Variants in FAM120B observed in about 807,000 individuals in gnomAD.
FAM120B encodes the protein family with sequence similarity 120 member B, also known as constitutive coactivator of peroxisome proliferator-activated receptor gamma.
In FAM120B, 83 loss-of-function variants were observed where a neutral mutation model predicts 96.3. The ratio of observed to expected loss-of-function variants is 0.86; its 90% confidence interval spans 0.72 to 1.03. The LOEUF is 1.03. Ranked by LOEUF, FAM120B falls within the 50% of genes least tolerant of loss-of-function variation. The probability of loss-of-function intolerance (pLI) is 0.00; values close to 1 mark genes in which losing one functional copy is unlikely to be tolerated. For missense variants in FAM120B, 1,027 were observed against 1,121.2 expected, an observed-to-expected ratio of 0.92 and a Z score of 1.20; for synonymous variants, 407 against 402.7, an observed-to-expected ratio of 1.01 and a Z score of -0.13.
At chr6:170,394,308 G>C (rs931029727) in intron 8 of FAM120B, among the ~76,000 whole-genome samples, 3 of 152,224 alleles carry the variant, frequency 2.0e-5, no homozygotes, top group African/African-American at 7.2e-5. Flanking sequence ...ACCTCATACT[G>C]GGGAGGTTTT....
intron 2 of FAM120B, 35 bp downstream of exon 2, chr6:170,319,159 G>T: frequency 6.6e-7 from 1 of 1,507,026 alleles, no homozygotes; most frequent in South Asian, 1.3e-5. Context: ...TGCCATGATT[G>T]AAAATATATC....
At position 170,318,510 on chromosome 6, in the gene FAM120B, A is replaced by G; in HGVS notation, c.1120A>G (p.Arg374Gly). 6.3e-7 allele frequency: 1 copy of G among 1,582,766 alleles called. No homozygotes were observed. Among genetic ancestry groups the G allele is most frequent in the South Asian group, 1.1e-5 (1 of 88,560 alleles). ...EVPVYTDSEP[R>G]QEVPMCSDPE... Reference sequence around the variant, plus strand: ...TCCCGTGTATACAGATTCTGAACCCAGGCAAGAAGTTCCCATGTGTTCAGA... The same window carrying G: ...TCCCGTGTATACAGATTCTGAACCCGGGCAAGAAGTTCCCATGTGTTCAGA... Residue 374 changes from arginine to glycine, a missense_variant, in exon 2 of 11, where the codon AGG (arginine) becomes GGG (glycine). Physicochemically the swap from Arg to Gly is moderately radical, Grantham distance 125. Transcript: ENST00000476287.
chr6:170,396,006 C>T (rs969553399), intron 9 of FAM120B, among the ~76,000 whole-genome samples: 1 of 152,146 alleles, frequency 6.6e-6, no homozygotes, highest in African/African-American at 2.4e-5. Flanking sequence ...ATAGCCCCAA[C>T]CCTTTGTTTT....
In FAM120B at chr6:170,295,498, GCCGCGCTT is replaced by G; in HGVS notation, c.48+48_48+55del. On this transcript the variant is annotated intron_variant, in intron 1 of 10. Coordinates refer to the FAM120B transcript ENST00000537664. The surrounding 1 kb of genome is among the most constrained non-coding windows in gnomAD (Gnocchi z 7.8). ...ACACAAGGCGCGCGGCCCCCAGGCA[GCCGCGCTT>G]CCACAGCGGGCAGGAGCGCGACCCC... The G allele has an allele frequency of 1.4e-6, 1 of 692,818 alleles. No homozygotes were observed. Among genetic ancestry groups the G allele is most frequent in the Admixed American group, 2.0e-5 (1 of 49,182 alleles). The allele number at this position is 692,818 out of a possible 1,614,324, so 42.9% of individuals were successfully genotyped here. A position where few individuals can be genotyped will look rare whatever the true frequency, so the allele number is the denominator to read the frequency against.
In FAM120B at chr6:170,330,558, C is replaced by T. The variant is rs772610105; in HGVS notation, c.2017+8C>T. 3.8e-5 allele frequency: 61 copies of T among 1,605,852 alleles called. No individual in the cohort carries two copies. Among genetic ancestry groups the T allele is most frequent in the Non-Finnish European group, 5.1e-5 (60 of 1,172,698 alleles). On this transcript the variant is annotated splice_region_variant and intron_variant, in intron 4 of 10. Transcript: ENST00000476287. ...TGCAGATGACCATTCCAGGTACAGGCAGCCTTTCTTTAAATGAACCACAGA... is the reference window on the plus strand; with the variant it reads ...TGCAGATGACCATTCCAGGTACAGGTAGCCTTTCTTTAAATGAACCACAGA...
intron 8 of FAM120B, among the ~76,000 whole-genome samples, chr6:170,394,064 G>A (rs561584645): frequency 2.0e-5 from 3 of 152,170 alleles, no homozygotes; most frequent in East Asian, 3.8e-4. Context: ...GAGCACACAC[G>A]GGCTGACCCT....
At position 170,399,947 on chromosome 6, in the gene FAM120B, G is replaced by A. The variant is rs375737198; in HGVS notation, c.2692+4368G>A. Among the ~76,000 whole-genome samples the A allele has an allele frequency of 3.0e-3, 136 of 45,030 alleles. 3 individuals are homozygous for A. The highest frequency in any genetic ancestry group is 2.8e-3 in the Admixed American group (9 of 3,166). The allele number at this position is 45,030 out of a possible 152,430, so 29.5% of individuals were successfully genotyped here. A position where few individuals can be genotyped will look rare whatever the true frequency, so the allele number is the denominator to read the frequency against. ...ATGTCATAACTCTTAGGAGTGAGTG[G>A]GGAAGGTAGAACTATGTCATAACTC... On this transcript the variant is annotated intron_variant, in intron 9 of 10. Coordinates refer to ENST00000476287, the MANE Select transcript of FAM120B (RefSeq NM_032448.3).
chr6:170,319,503 A>G (rs1225588358), intron 2 of FAM120B, among the ~76,000 whole-genome samples: 1 of 152,176 alleles, frequency 6.6e-6, no homozygotes, highest in Non-Finnish European at 1.5e-5. Flanking sequence ...CCCTGTCTCT[A>G]CTAAAAATAC....
intron 9 of FAM120B, chr6:170,404,292 T>C (rs1778721644): frequency 2.3e-6 from 1 of 429,400 alleles, no homozygotes; most frequent in Non-Finnish European, 4.1e-6. Flanking sequence ...ATCACGCAGA[T>C]GGATGGAGCT....
In FAM120B at chr6:170,330,523, G is replaced by A. The variant is rs140403171; in HGVS notation, c.1990G>A (p.Val664Ile). Reference sequence around the variant, plus strand: ...GAACCCACTGAGGCACCCGGACCTCGTCAGGCCGCTGCAGATGACCATTCC... The same window carrying A: ...GAACCCACTGAGGCACCCGGACCTCATCAGGCCGCTGCAGATGACCATTCC... ...PGNPLRHPDL[V>I]RPLQMTIPGG... The change falls in exon 4 of 11, where the codon GTC becomes ATC. Residue 664 changes from valine (V) to isoleucine (I), a missense_variant. Val to Ile is a conservative substitution (Grantham distance 29, BLOSUM62 3). This residue lies in a region of FAM120B where 880 missense variants were observed against 980.9 expected (regional missense o/e 0.90). Coordinates refer to ENST00000476287, the MANE Select transcript of FAM120B (RefSeq NM_032448.3). 1.4e-5 allele frequency: 23 copies of A among 1,613,998 alleles called. No individual in the cohort carries two copies. The highest frequency in any genetic ancestry group is 6.7e-5 in the East Asian group (3 of 44,896).
intron 1 of FAM120B, among the ~76,000 whole-genome samples, chr6:170,301,164 TC>T (rs1186854005): frequency 1.3e-5 from 2 of 152,220 alleles, no homozygotes; most frequent in Non-Finnish European, 2.9e-5. Flanking sequence ...TTTCCATACA[TC>T]CTCTGAAATC....
At chr6:170,320,569 T>C (rs1189718639) in intron 2 of FAM120B, among the ~76,000 whole-genome samples, 1 of 152,110 alleles carries the variant, frequency 6.6e-6, no homozygotes, top group Admixed American at 6.5e-5. Context: ...CGATGGTAGA[T>C]GGTGTTAATC....
At chr6:170,398,736 G>C (rs1333663424) in intron 9 of FAM120B, among the ~76,000 whole-genome samples, 1 of 148,548 alleles carries the variant, frequency 6.7e-6, no homozygotes, top group African/African-American at 2.5e-5. Flanking sequence ...ATAACTCTTA[G>C]GAGTGAGTGA....
intron 4 of FAM120B, among the ~76,000 whole-genome samples, chr6:170,341,970 C>T (rs576721790): frequency 1.6e-4 from 24 of 152,280 alleles, no homozygotes; most frequent in African/African-American, 5.8e-4. Context: ...GGATTGATTA[C>T]GATCATAGCC....
At chr6:170,337,937 T>C (rs1282452537) in intron 4 of FAM120B, among the ~76,000 whole-genome samples, 2 of 152,186 alleles carry the variant, frequency 1.3e-5, no homozygotes, top group African/African-American at 4.8e-5. Context: ...TTAGTCTGAC[T>C]AGCAGTCTAT....
intron 1 of FAM120B, among the ~76,000 whole-genome samples, chr6:170,300,495 C>T (rs1260897260): frequency 2.0e-5 from 3 of 152,314 alleles, no homozygotes; most frequent in African/African-American, 7.2e-5. Flanking sequence ...TCCCAAATCT[C>T]ATGTCCTCAC....
At chr6:170,373,330 A>G (rs1027204833) in intron 6 of FAM120B, among the ~76,000 whole-genome samples, 2 of 152,210 alleles carry the variant, frequency 1.3e-5, no homozygotes, top group Non-Finnish European at 2.9e-5. Flanking sequence ...CATACCTTTC[A>G]ATCATATTGA....
chr6:170,339,956 A>AATT (rs767333148), intron 4 of FAM120B, among the ~76,000 whole-genome samples: 21 of 151,936 alleles, frequency 1.4e-4, no homozygotes, highest in Non-Finnish European at 2.6e-4. Context: ...AGAATCTGAC[A>AATT]ATTAGGTGTC....
intron 6 of FAM120B, among the ~76,000 whole-genome samples, chr6:170,385,032 A>G (rs1285042749): frequency 5.9e-5 from 9 of 152,220 alleles, no homozygotes; most frequent in Admixed American, 5.2e-4. Context: ...CCCAAAAGCT[A>G]TAGAGTAAAC....
Sources: gnomAD v4.1 joint callset for allele counts (sites outside exome capture counted in the v4.1 genomes callset) on GRCh38, gnomAD v4.1.1 for gene constraint, gnomAD v4.1.1 regional missense constraint, Gnocchi (gnomAD v3.1) non-coding constraint, MANE v1.5 for transcripts, NCBI Gene and HGNC (gene_info 2026-07-23, HGNC 2026-07-21) for gene names.